Variants in CSGALNACT1 observed in about 807,000 individuals in gnomAD.
CSGALNACT1 encodes the protein beta4GalNAcT-1.
CSGALNACT1 carries 52 observed loss-of-function variants against 51.0 expected under a neutral mutation model. The observed-to-expected ratio is 1.02, with a 90% confidence interval of 0.82 to 1.29. CSGALNACT1 has a LOEUF of 1.29. CSGALNACT1 is among the 50% of genes most tolerant of loss of function. The pLI is 0.00. For synonymous variants in CSGALNACT1, 341 were observed against 254.4 expected, an observed-to-expected ratio of 1.34 and a Z score of -3.24; for missense variants, 935 against 679.2, an observed-to-expected ratio of 1.38 and a Z score of -4.19.
chr8:19,566,401 T>C (rs564708838), intron 3 of CSGALNACT1, among the ~76,000 whole-genome samples: 17 of 152,268 alleles, frequency 1.1e-4, no homozygotes, highest in African/African-American at 3.8e-4. Flanking sequence ...TTTAGAACCA[T>C]GAGAAAATAA....
chr8:19,486,247 G>T (rs894586872), intron 4 of CSGALNACT1, among the ~76,000 whole-genome samples: 2 of 151,912 alleles, frequency 1.3e-5, no homozygotes, highest in East Asian at 1.9e-4. Flanking sequence ...CACTCATTTT[G>T]GTTGTCACTT....
At chr8:19,599,275 C>T (rs916843709) in intron 2 of CSGALNACT1, among the ~76,000 whole-genome samples, 1 of 151,578 alleles carries the variant, frequency 6.6e-6, no homozygotes, top group Non-Finnish European at 1.5e-5. Flanking sequence ...GGTTCCATTT[C>T]GTGGTAGGGA....
At chr8:19,571,185 G>A (rs1049169428) in intron 3 of CSGALNACT1, among the ~76,000 whole-genome samples, 1 of 151,994 alleles carries the variant, frequency 6.6e-6, no homozygotes, top group Admixed American at 6.5e-5. Context: ...GCCCAGGCTG[G>A]TCTCAAACTC....
chr8:19,565,924 A>C (rs2041824907), intron 3 of CSGALNACT1, among the ~76,000 whole-genome samples: 1 of 152,154 alleles, frequency 6.6e-6, no homozygotes, highest in African/African-American at 2.4e-5. Flanking sequence ...CAAAAACAAA[A>C]ACAAAAAACT....
intron 1 of CSGALNACT1, among the ~76,000 whole-genome samples, chr8:19,722,487 T>C (rs936910029): frequency 1.3e-5 from 2 of 152,158 alleles, no homozygotes; most frequent in Non-Finnish European, 2.9e-5. Context: ...CAAATAGGTA[T>C]TAGGTTTCAG....
chr8:19,710,363 T>C (rs1311735174), intron 1 of CSGALNACT1, among the ~76,000 whole-genome samples: 2 of 152,158 alleles, frequency 1.3e-5, no homozygotes, highest in Admixed American at 6.5e-5. Context: ...GCACCTATGA[T>C]AAAGCAGTGA....
chr8:19,632,374 T>C (rs930628409), intron 1 of CSGALNACT1, among the ~76,000 whole-genome samples: 1 of 152,276 alleles, frequency 6.6e-6, no homozygotes, highest in Non-Finnish European at 1.5e-5. Flanking sequence ...ATCTGCCGTT[T>C]ACGGCACCTC....
Position 19,439,940 on chromosome 8 carries a change from C to A in CSGALNACT1, c.852-9G>T. On this transcript the variant is annotated splice_polypyrimidine_tract_variant and intron_variant, in intron 5 of 9. Transcript: ENST00000454498. Reference sequence around the variant, plus strand: ...GCTCAATGCACATCTCCCTGGAAAACAAAACACATGCATGTCTGGCACCTG... The same window carrying A: ...GCTCAATGCACATCTCCCTGGAAAAAAAAACACATGCATGTCTGGCACCTG... 1.2e-6 allele frequency: 2 copies of A among 1,608,566 alleles called. No individual in the cohort carries two copies. The highest frequency in any genetic ancestry group is 1.3e-5 in the African/African-American group (1 of 74,924).
At chr8:19,499,746 TAC>T (rs1004340344) in intron 4 of CSGALNACT1, among the ~76,000 whole-genome samples, 1 of 152,204 alleles carries the variant, frequency 6.6e-6, no homozygotes, top group African/African-American at 2.4e-5. Context: ...TAGGACCAGC[TAC>T]ACAGTTTGCA....
chr8:19,488,287 T>G (rs1056523240), intron 4 of CSGALNACT1, among the ~76,000 whole-genome samples: 1 of 150,392 alleles, frequency 6.6e-6, no homozygotes, highest in Non-Finnish European at 1.5e-5. Context: ...CAGGCAGAGA[T>G]TGCAGTGAGC....
At chr8:19,741,478 G>A (rs1287171950) in intron 1 of CSGALNACT1, among the ~76,000 whole-genome samples, 7 of 148,840 alleles carry the variant, frequency 4.7e-5, no homozygotes, top group East Asian at 4.1e-4. Context: ...CAGAAGAATC[G>A]CTTGAAGCCG....
At chr8:19,594,033 C>A (rs559027466) in intron 2 of CSGALNACT1, among the ~76,000 whole-genome samples, 1 of 152,230 alleles carries the variant, frequency 6.6e-6, no homozygotes, top group Admixed American at 6.5e-5. Flanking sequence ...GTGGAATATG[C>A]CATGAAGATG....
At chr8:19,750,500 C>A (rs560349929) in intron 1 of CSGALNACT1, among the ~76,000 whole-genome samples, 1 of 152,320 alleles carries the variant, frequency 6.6e-6, no homozygotes, top group African/African-American at 2.4e-5. Context: ...TTGGTTGGTA[C>A]CTACTACTTC....
chr8:19,547,021 C>G (rs919312200), intron 3 of CSGALNACT1, among the ~76,000 whole-genome samples: 1 of 152,180 alleles, frequency 6.6e-6, no homozygotes. Context: ...CCAGAAACAC[C>G]GTCTGAGAAC....
intron 1 of CSGALNACT1, among the ~76,000 whole-genome samples, chr8:19,711,891 A>G (rs1158603657): frequency 6.6e-6 from 1 of 152,210 alleles, no homozygotes; most frequent in African/African-American, 2.4e-5. Flanking sequence ...CTTTTCAATT[A>G]TCTTAATATC....
chr8:19,621,204 T>A (rs2053782315), intron 1 of CSGALNACT1, among the ~76,000 whole-genome samples: 1 of 152,148 alleles, frequency 6.6e-6, no homozygotes, highest in Non-Finnish European at 1.5e-5. Flanking sequence ...ATGATAAAAC[T>A]TTTGCCTGCA....
At chr8:19,462,659 C>A (rs2065803105) in intron 4 of CSGALNACT1, among the ~76,000 whole-genome samples, 1 of 152,208 alleles carries the variant, frequency 6.6e-6, no homozygotes, top group Non-Finnish European at 1.5e-5. Flanking sequence ...AGGCTCACCC[C>A]ACACACCACA....
At chr8:19,555,214 G>C (rs1056366337) in intron 3 of CSGALNACT1, among the ~76,000 whole-genome samples, 5 of 152,058 alleles carry the variant, frequency 3.3e-5, no homozygotes, top group African/African-American at 1.2e-4. Context: ...ACTCCAGCCT[G>C]GGTGACAGAG....
intron 1 of CSGALNACT1, among the ~76,000 whole-genome samples, chr8:19,612,004 G>C (rs1252500474): frequency 1.3e-5 from 2 of 152,076 alleles, no homozygotes; most frequent in African/African-American, 2.4e-5. Flanking sequence ...GATTCTGCTG[G>C]TCCTCTTTTG....
Sources: allele counts gnomAD v4.1 joint callset (sites outside exome capture counted in the v4.1 genomes callset), GRCh38; gene constraint gnomAD v4.1.1; transcripts MANE v1.5; gene names NCBI Gene and HGNC (gene_info 2026-07-23, HGNC 2026-07-21).